Variants in CNTN5 observed in about 807,000 individuals in gnomAD.
CNTN5 encodes the protein contactin 5.
CNTN5 carries 77 observed loss-of-function variants against 129.1 expected under a neutral mutation model. That is an observed-to-expected ratio of 0.60 (90% CI 0.50 to 0.72). The LOEUF (loss-of-function observed/expected upper bound fraction) is 0.72. Among genes scored for constraint, CNTN5 ranks in the 30% least tolerant of loss-of-function variants. CNTN5 has a pLI of 0.00. For synonymous variants in CNTN5, 509 were observed against 465.6 expected (o/e 1.09, Z -1.20); for missense variants, 1,478 against 1,328.8 (o/e 1.11, Z -1.75).
At chr11:99,829,246 A>C (rs1015188070) in intron 4 of CNTN5, among the ~76,000 whole-genome samples, 4 of 152,196 alleles carry the variant, frequency 2.6e-5, no homozygotes, top group African/African-American at 7.2e-5. Context: ...ATAATTTGCT[A>C]TACATATGTC....
At chr11:100,190,304 A>T (rs1408897431) in intron 13 of CNTN5, among the ~76,000 whole-genome samples, 1 of 152,128 alleles carries the variant, frequency 6.6e-6, no homozygotes, top group Non-Finnish European at 1.5e-5. Context: ...TTGCCGGAGT[A>T]GGTCGATGCA....
At chr11:99,439,936 G>A (rs2135143570) in intron 2 of CNTN5, among the ~76,000 whole-genome samples, 1 of 152,064 alleles carries the variant, frequency 6.6e-6, no homozygotes. Context: ...AGATGTGGTT[G>A]TAATAAAAGA....
rs377635389 is a variant in CNTN5 at position 99,464,739 on chromosome 11, A to C, written c.-70-91406A>C. ...ATTAATTTGAGGTTGTTGGATTAGAATATGCAGTGTTTTTCCCCCAAACAA... is the reference window on the plus strand; with the variant it reads ...ATTAATTTGAGGTTGTTGGATTAGACTATGCAGTGTTTTTCCCCCAAACAA... On this transcript the variant is annotated intron_variant, in intron 2 of 24. Coordinates refer to ENST00000524871, the MANE Select transcript of CNTN5 (RefSeq NM_014361.4). 4.6e-5 allele frequency among the ~76,000 whole-genome samples: 7 copies of C among 152,184 alleles called. No homozygotes were observed. The East Asian group carries it at 1.3e-3, about 29-fold the overall frequency.
At chr11:99,416,849 G>A (rs1220462610) in intron 2 of CNTN5, among the ~76,000 whole-genome samples, 1 of 152,138 alleles carries the variant, frequency 6.6e-6, no homozygotes, top group African/African-American at 2.4e-5. Context: ...TTTGTAAATA[G>A]CTGTGTCTTA....
chr11:99,212,767 T>C (rs530971503), intron 1 of CNTN5, among the ~76,000 whole-genome samples: 1 of 152,300 alleles, frequency 6.6e-6, no homozygotes, highest in South Asian at 2.1e-4. Context: ...TAAATATCCA[T>C]GAGCAGAATG....
At chr11:99,066,020 A>T (rs1456654333) in intron 1 of CNTN5, among the ~76,000 whole-genome samples, 1 of 152,188 alleles carries the variant, frequency 6.6e-6, no homozygotes, top group Non-Finnish European at 1.5e-5. Context: ...TAGCATACAC[A>T]TAAAATGATA....
Position 99,767,193 on chromosome 11 carries a change from T to C in CNTN5, c.56-52351T>C, listed in dbSNP as rs141869861. On this transcript the variant is annotated intron_variant, in intron 3 of 24. Coordinates refer to ENST00000524871, the MANE Select transcript of CNTN5 (RefSeq NM_014361.4). ...ATTTATTCTGCATGTATAACATATA[T>C]GCACCACTATAACATACATTCACTT... Among the ~76,000 whole-genome samples, 75 of 152,250 alleles carry C rather than the reference T, an allele frequency of 4.9e-4. 1 individual carries two copies. In the Middle Eastern group the frequency reaches 0.017, roughly 35 times the overall value.
At chr11:100,143,752 G>C (rs1404804307) in intron 13 of CNTN5, among the ~76,000 whole-genome samples, 1 of 152,066 alleles carries the variant, frequency 6.6e-6, no homozygotes, top group South Asian at 2.1e-4. Context: ...TAAAATTTAG[G>C]GAAGGTCAGG....
chr11:99,099,029 A>G (rs2135343280), intron 1 of CNTN5, among the ~76,000 whole-genome samples: 1 of 152,254 alleles, frequency 6.6e-6, no homozygotes, highest in Admixed American at 6.6e-5. Context: ...GTTACAAATC[A>G]CTTCCTTAGA....
At chr11:100,242,326 C>G (rs1949758847) in intron 16 of CNTN5, among the ~76,000 whole-genome samples, 1 of 152,096 alleles carries the variant, frequency 6.6e-6, no homozygotes, top group Non-Finnish European at 1.5e-5. Context: ...ATTTTCACCA[C>G]TTTTTTTTCT....
intron 1 of CNTN5, among the ~76,000 whole-genome samples, chr11:99,159,132 GATA>G (rs1168333982): frequency 2.0e-5 from 3 of 152,126 alleles, no homozygotes; most frequent in African/African-American, 7.2e-5. Flanking sequence ...GACTACATTG[GATA>G]ATGCTTGTAA....
At chr11:100,207,135 G>C (rs1003522092) in intron 15 of CNTN5, among the ~76,000 whole-genome samples, 2 of 152,042 alleles carry the variant, frequency 1.3e-5, no homozygotes, top group African/African-American at 2.4e-5. Flanking sequence ...TCTATTAACA[G>C]ATAGATGGAC....
intron 13 of CNTN5, among the ~76,000 whole-genome samples, chr11:100,178,069 G>A (rs968933649): frequency 2.0e-5 from 3 of 152,060 alleles, no homozygotes; most frequent in Admixed American, 2.0e-4. Context: ...GAATCCATCT[G>A]TTCTCTGGAT....
chr11:99,186,614 T>C (rs759068292), intron 1 of CNTN5, among the ~76,000 whole-genome samples: 1 of 151,988 alleles, frequency 6.6e-6, no homozygotes, highest in South Asian at 2.1e-4. Context: ...TCTACTATGA[T>C]GGCATTATCT....
chr11:100,285,594 T>G (rs1950763867), intron 18 of CNTN5, among the ~76,000 whole-genome samples: 1 of 152,240 alleles, frequency 6.6e-6, no homozygotes, highest in Non-Finnish European at 1.5e-5. Flanking sequence ...AAAGAAGTGT[T>G]GAATGAAAGA....
chr11:99,707,693 ACTTAAT>A (rs896855782), intron 3 of CNTN5, among the ~76,000 whole-genome samples: 2 of 151,622 alleles, frequency 1.3e-5, no homozygotes, highest in African/African-American at 4.8e-5. Context: ...GAAGAATGAA[ACTTAAT>A]CTTTATTAAC....
intron 1 of CNTN5, among the ~76,000 whole-genome samples, chr11:99,282,349 A>G (rs1282166958): frequency 1.3e-5 from 2 of 152,050 alleles, no homozygotes; most frequent in Non-Finnish European, 2.9e-5. Flanking sequence ...CACTCAGAAG[A>G]CAAGATGATA....
chr11:100,038,716 T>C (rs1337632185), intron 9 of CNTN5, among the ~76,000 whole-genome samples: 1 of 152,072 alleles, frequency 6.6e-6, no homozygotes, highest in African/African-American at 2.4e-5. Flanking sequence ...CCTTTACCAT[T>C]ATGTAATGGC....
At chr11:100,001,263 A>T (rs1181413407) in intron 8 of CNTN5, among the ~76,000 whole-genome samples, 1 of 152,174 alleles carries the variant, frequency 6.6e-6, no homozygotes, top group Non-Finnish European at 1.5e-5. Flanking sequence ...ACGAGAGAGA[A>T]CAGGGAAACT....
Sources: gnomAD v4.1 joint callset for allele counts (sites outside exome capture counted in the v4.1 genomes callset) on GRCh38, gnomAD v4.1.1 for gene constraint, MANE v1.5 for transcripts, NCBI Gene and HGNC (gene_info 2026-07-23, HGNC 2026-07-21) for gene names.